SMIM35: variants seen among roughly 807,000 people sequenced by gnomAD.
SMIM35 encodes the protein small integral membrane protein 35, also known as TMPRSS4 antisense RNA 1 (non-protein coding).
chr11:118,018,250 A>G (rs2058199913), intron 1 of SMIM35, among the ~76,000 whole-genome samples: 1 of 152,082 alleles, frequency 6.6e-6, no homozygotes. Context: ...TTTTCCTCTG[A>G]GTGAGATGGG....
chr11:118,036,559 G>A (rs2058360861), intron 1 of SMIM35, among the ~76,000 whole-genome samples: 1 of 152,208 alleles, frequency 6.6e-6, no homozygotes, highest in African/African-American at 2.4e-5. Flanking sequence ...CACAGGGCTG[G>A]GTGATGCATA....
At chr11:118,020,614 T>G (rs1033291321) in intron 1 of SMIM35, among the ~76,000 whole-genome samples, 1 of 152,222 alleles carries the variant, frequency 6.6e-6, no homozygotes, top group Non-Finnish European at 1.5e-5. Flanking sequence ...GCTAGATTTA[T>G]TCCTCAGTAC....
chr11:118,049,851 G>A (rs947538042), intron 1 of SMIM35, among the ~76,000 whole-genome samples: 6 of 152,088 alleles, frequency 3.9e-5, no homozygotes, highest in East Asian at 1.9e-4. Context: ...TTGGATTGCC[G>A]TCAATGTGTC....
intron 1 of SMIM35, among the ~76,000 whole-genome samples, chr11:118,020,131 T>C (rs2058215045): frequency 6.6e-6 from 1 of 152,108 alleles, no homozygotes; most frequent in Non-Finnish European, 1.5e-5. Context: ...CCAGGTGTGG[T>C]AGCGGGCAAA....
chr11:118,057,693 G>A (rs866425554), intron 1 of SMIM35, among the ~76,000 whole-genome samples: 37 of 152,318 alleles, frequency 2.4e-4, no homozygotes, highest in Middle Eastern at 3.4e-3. Flanking sequence ...GTATGTTGAG[G>A]GGATTCGCCT....
chr11:118,080,759 C>T (rs1409604114), intron 1 of SMIM35, among the ~76,000 whole-genome samples: 1 of 152,146 alleles, frequency 6.6e-6, no homozygotes, highest in Non-Finnish European at 1.5e-5. Flanking sequence ...ACAAGCTTCC[C>T]AAAGCCCCAG....
At chr11:118,022,434 T>C (rs1381074610) in intron 1 of SMIM35, among the ~76,000 whole-genome samples, 3 of 152,152 alleles carry the variant, frequency 2.0e-5, no homozygotes, top group South Asian at 2.1e-4. Context: ...CAGAATTATA[T>C]TGGAAAATAA....
chr11:118,033,529 G>T, intron 1 of SMIM35, among the ~76,000 whole-genome samples: 1 of 152,040 alleles, frequency 6.6e-6, no homozygotes. Context: ...TTTTGTTGTT[G>T]TTGTTGTTGC....
chr11:118,079,494 T>C (rs1335714520), intron 1 of SMIM35, among the ~76,000 whole-genome samples: 1 of 152,212 alleles, frequency 6.6e-6, no homozygotes, highest in Admixed American at 6.5e-5. Context: ...GAAGGAAATG[T>C]GTCCCATGCT....
intron 1 of SMIM35, among the ~76,000 whole-genome samples, chr11:118,042,585 A>G (rs1565389145): frequency 6.6e-6 from 1 of 152,366 alleles, no homozygotes; most frequent in East Asian, 1.9e-4. Context: ...AGAAGAGGCT[A>G]AACACTTCCC....
intron 1 of SMIM35, among the ~76,000 whole-genome samples, chr11:118,046,320 T>C (rs1944096889): frequency 6.6e-6 from 1 of 152,212 alleles, no homozygotes; most frequent in Non-Finnish European, 1.5e-5. Flanking sequence ...TAAGTGATGA[T>C]GCCACTTTGG....
At chr11:118,035,881 G>GTGGGTGTTTGTTTGTT (rs150849912) in intron 1 of SMIM35, among the ~76,000 whole-genome samples, 3,941 of 152,180 alleles carry the variant, frequency 0.026, 65 homozygotes, top group East Asian at 0.096. Flanking sequence ...CTAATATGTG[G>GTGGGTGTTTGTTTGTT]TGTTTGTTTG....
chr11:118,031,047 A>G (rs1245486740), intron 1 of SMIM35, among the ~76,000 whole-genome samples: 1 of 152,162 alleles, frequency 6.6e-6, no homozygotes, highest in East Asian at 1.9e-4. Flanking sequence ...CATACAAAGG[A>G]TTAATTAAGT....
intron 1 of SMIM35, among the ~76,000 whole-genome samples, chr11:118,047,626 G>A (rs1944120560): frequency 6.6e-6 from 1 of 152,258 alleles, no homozygotes; most frequent in Admixed American, 6.5e-5. Flanking sequence ...TGAGGGCTGG[G>A]AGAGATGGAG....
chr11:118,031,037 C>T (rs1012170598), intron 1 of SMIM35, among the ~76,000 whole-genome samples: 5 of 152,048 alleles, frequency 3.3e-5, no homozygotes, highest in African/African-American at 1.2e-4. Flanking sequence ...ATGTTGATTA[C>T]ATACAAAGGA....
Position 118,006,165 on chromosome 11 carries a change from G to C in SMIM35, c.*245C>G, listed in dbSNP as rs1352113994. On this transcript the variant is annotated 3_prime_UTR_variant, in exon 5 of 5. Coordinates refer to ENST00000689828, the MANE Select transcript of SMIM35 (RefSeq NM_001394165.1). ...ACTGACTCCACTTCCAACTGCTTCT[G>C]CAGCACTGACAGCTCCAGGGACACC... The C allele has an allele frequency of 6.6e-6, 1 of 152,268 alleles. No homozygotes were observed. The highest frequency in any genetic ancestry group is 1.5e-5 in the Non-Finnish European group (1 of 68,092). 9.4% of individuals were successfully genotyped at this position (152,268 alleles called of 1,614,324 possible).
intron 1 of SMIM35, among the ~76,000 whole-genome samples, chr11:118,017,671 T>C (rs1032423716): frequency 1.3e-5 from 2 of 152,214 alleles, no homozygotes; most frequent in Non-Finnish European, 1.5e-5. Flanking sequence ...TAGTTTATTC[T>C]CACACTACTA....
rs548252616 is a variant in SMIM35, at chr11:118,005,698, C to T, written c.*712G>A. On this transcript the variant is annotated 3_prime_UTR_variant, in exon 5 of 5. Coordinates refer to ENST00000689828, the MANE Select transcript of SMIM35 (RefSeq NM_001394165.1). ...CTTCCAGATAGATGGTGAATCCAAT[C>T]ACTTGTCACCACCTCCCACTGTCAT... 5 of 152,628 alleles carry T rather than the reference C, an allele frequency of 3.3e-5. No homozygotes were observed. The highest frequency in any genetic ancestry group is 1.3e-4 in the Admixed American group (2 of 15,306). 9.5% of individuals were successfully genotyped at this position (152,628 alleles called of 1,614,324 possible).
chr11:118,009,481 C>T (rs1257424922), intron 4 of SMIM35, among the ~76,000 whole-genome samples: 1 of 152,076 alleles, frequency 6.6e-6, no homozygotes, highest in African/African-American at 2.4e-5. Context: ...AGCGTTTCAC[C>T]CTACAGGTAA....
Sources: gnomAD v4.1 joint callset for allele counts (sites outside exome capture counted in the v4.1 genomes callset) on GRCh38, gnomAD v4.1.1 for gene constraint, MANE v1.5 for transcripts, NCBI Gene and HGNC (gene_info 2026-07-23, HGNC 2026-07-21) for gene names.